Variants in HELLS observed in about 807,000 individuals in gnomAD.
HELLS encodes lymphoid-specific helicase.
A neutral mutation model predicts 120.0 loss-of-function variants in HELLS; 32 were observed. That is an observed-to-expected ratio of 0.27 (90% confidence interval 0.20 to 0.36). The LOEUF (loss-of-function observed/expected upper bound fraction) is 0.36, where lower values mean the gene tolerates loss of function less well. HELLS is among the 10% of genes least tolerant of loss of function. HELLS has a pLI of 1.00. For missense variants in HELLS, 650 were observed against 993.4 expected (o/e 0.65, Z 4.65); for synonymous variants, 341 against 323.4 (o/e 1.05, Z -0.58).
chr10:94,569,735 C>T (rs1466528490), intron 6 of HELLS: 5 of 152,106 alleles, frequency 3.3e-5, no homozygotes, highest in Non-Finnish European at 7.3e-5. Context: ...AGGCACTTAC[C>T]GCTGTGATCT....
At chr10:94,606,735 AGTCT>A (rs1846133746), downstream of HELLS, among the ~76,000 whole-genome samples, 1 of 152,130 alleles carries the variant, frequency 6.6e-6, no homozygotes, top group African/African-American at 2.4e-5. Flanking sequence ...TTTAAAGTTT[AGTCT>A]GTCTTTTATT....
At chr10:94,578,566 G>A (rs1344573537) in intron 10 of HELLS, among the ~76,000 whole-genome samples, 1 of 151,796 alleles carries the variant, frequency 6.6e-6, no homozygotes, top group Non-Finnish European at 1.5e-5. Context: ...AAATTACCTG[G>A]GCATAGTGGC....
intron 2 of HELLS, among the ~76,000 whole-genome samples, chr10:94,549,556 G>A (rs1256225127): frequency 5.3e-5 from 8 of 152,144 alleles, no homozygotes; most frequent in Non-Finnish European, 7.4e-5. Flanking sequence ...GAGGTAAAAG[G>A]ATCATGATAT....
chr10:94,597,040 TA>T lies in HELLS; in HGVS notation c.2355del (p.Gly786AspfsTer12). The T allele has an allele frequency of 6.3e-7, 1 of 1,578,174 alleles. No homozygotes were observed. Among genetic ancestry groups the T allele is most frequent in the Non-Finnish European group, 8.7e-7 (1 of 1,148,736 alleles). ...LLKSRDYERE[I>X]KGSREKVISD... ...GAATATTTTGTTTTCTATAGGGAAA[TA>T]AAAGGATCAAGAGAGAAGGTCATTA... On this transcript the variant is annotated frameshift_variant, in exon 21 of 22. Transcript: ENST00000348459. LOFTEE classifies it high-confidence loss of function.
intron 2 of HELLS, among the ~76,000 whole-genome samples, chr10:94,549,685 G>GT (rs1192587982): frequency 6.6e-6 from 1 of 152,148 alleles, no homozygotes; most frequent in African/African-American, 2.4e-5. Flanking sequence ...GGCATACTCT[G>GT]TACTGTAGTT....
At chr10:94,583,942 C>T (rs75419281) in intron 12 of HELLS, 3 of 487,040 alleles carry the variant, frequency 6.2e-6, no homozygotes, top group Non-Finnish European at 1.1e-5. Context: ...GTTGTAGTAT[C>T]TGTATTTAAA....
chr10:94,598,691 T>C (rs1176362180), intron 21 of HELLS, among the ~76,000 whole-genome samples: 1 of 151,906 alleles, frequency 6.6e-6, no homozygotes, highest in Non-Finnish European at 1.5e-5. Context: ...TTACTTAGTA[T>C]CTTCTGAAGA....
intron 13 of HELLS, among the ~76,000 whole-genome samples, chr10:94,589,143 C>T (rs992304839): frequency 7.9e-5 from 12 of 151,576 alleles, no homozygotes; most frequent in Admixed American, 3.9e-4. Flanking sequence ...AGCGAAACTC[C>T]GTCTCAAAAA....
chr10:94,568,897 A>G lies in HELLS; in HGVS notation c.436-2491A>G, dbSNP rs192125808. 7.7e-3 allele frequency among the ~76,000 whole-genome samples: 1,168 copies of G among 151,394 alleles called. 19 individuals are homozygous for G. The highest frequency in any genetic ancestry group is 0.027 in the African/African-American group (1,124 of 41,228). ...ACTCTTGTTGCCCAGGCTGGAGTGC[A>G]GTGGCATGATCTTGGCTCACAGCAA... On this transcript the variant is annotated intron_variant, in intron 6 of 21. Transcript: ENST00000348459.
At chr10:94,587,195 A>G (rs1845207915) in intron 12 of HELLS, among the ~76,000 whole-genome samples, 1 of 152,128 alleles carries the variant, frequency 6.6e-6, no homozygotes, top group African/African-American at 2.4e-5. Flanking sequence ...CTGCATCCCT[A>G]GGTCAGCTGG....
At chr10:94,559,422 A>ATATT (rs1231341907) in intron 4 of HELLS, among the ~76,000 whole-genome samples, 1 of 151,734 alleles carries the variant, frequency 6.6e-6, no homozygotes, top group Non-Finnish European at 1.5e-5. Context: ...CCTGAGTTCG[A>ATATT]TATTTATTTA....
chr10:94,563,104 C>CTT (rs752391404), intron 6 of HELLS, among the ~76,000 whole-genome samples: 3 of 144,676 alleles, frequency 2.1e-5, no homozygotes, highest in Admixed American at 1.4e-4. Context: ...CCTTCATAGA[C>CTT]TTTTTTTTTT....
At chr10:94,555,310 G>A (rs1843197878) in intron 3 of HELLS, among the ~76,000 whole-genome samples, 1 of 152,144 alleles carries the variant, frequency 6.6e-6, no homozygotes, top group African/African-American at 2.4e-5. Context: ...GGTGGTGTGT[G>A]CCTGTAAGCC....
intron 12 of HELLS, 46 bp downstream of exon 12, chr10:94,583,105 T>A: frequency 9.3e-7 from 1 of 1,076,848 alleles, no homozygotes; most frequent in Non-Finnish European, 1.4e-6. Flanking sequence ...CTCGATAGAG[T>A]ATAAAAGGAA....
At chr10:94,573,712 C>T (rs1844296486) in intron 7 of HELLS, among the ~76,000 whole-genome samples, 1 of 151,972 alleles carries the variant, frequency 6.6e-6, no homozygotes, top group Non-Finnish European at 1.5e-5. Context: ...GATCCTCCTG[C>T]CTCAGCTTCC....
At chr10:94,556,938 T>G (rs1843298603) in intron 3 of HELLS, among the ~76,000 whole-genome samples, 1 of 152,244 alleles carries the variant, frequency 6.6e-6, no homozygotes, top group Admixed American at 6.5e-5. Context: ...TCCAGATGTG[T>G]TTCCTGTCTT....
chr10:94,563,042 A>G (rs1182706836), intron 6 of HELLS, among the ~76,000 whole-genome samples, 166 bp downstream of exon 6: 1 of 151,944 alleles, frequency 6.6e-6, no homozygotes, highest in East Asian at 1.9e-4. Context: ...GTTTGAAGCT[A>G]TCTACCAACC....
chr10:94,600,238 T>C (rs1273201584), intron 21 of HELLS, among the ~76,000 whole-genome samples: 1 of 150,196 alleles, frequency 6.7e-6, no homozygotes, highest in Non-Finnish European at 1.5e-5. Flanking sequence ...TTGCAGTGAA[T>C]GGAGATTGTG....
chr10:94,551,733 C>G (rs1289720932), intron 2 of HELLS, among the ~76,000 whole-genome samples: 2 of 151,660 alleles, frequency 1.3e-5, no homozygotes. Flanking sequence ...AATTCATACC[C>G]CCATTTCTTT....
Sources: gnomAD v4.1 joint callset for allele counts (sites outside exome capture counted in the v4.1 genomes callset) on GRCh38, gnomAD v4.1.1 for gene constraint, MANE v1.5 for transcripts, NCBI Gene and HGNC (gene_info 2026-07-23, HGNC 2026-07-21) for gene names.